Variants in ZNF646 observed in about 807,000 individuals in gnomAD.
The protein encoded by ZNF646 is zinc finger protein 646.
Under a neutral mutation model 115.4 loss-of-function variants are expected in ZNF646, and 49 were observed. That is an observed-to-expected ratio of 0.42 (90% CI 0.34 to 0.54). The LOEUF (loss-of-function observed/expected upper bound fraction) is 0.54, where lower values mean the gene tolerates loss of function less well. ZNF646 is among the 20% of genes least tolerant of loss of function. ZNF646 has a pLI of 0.04. For synonymous variants in ZNF646, 933 were observed against 939.0 expected, an observed-to-expected ratio of 0.99 and a Z score of 0.12; for missense variants, 2,269 against 2,457.9, an observed-to-expected ratio of 0.92 and a Z score of 1.62.
In ZNF646 at chr16:31,080,625, C is replaced by T. The variant is rs375075744; in HGVS notation, c.4301C>T (p.Pro1434Leu). Residue 1434 changes from proline to leucine, a missense_variant, in exon 2 of 3, where the codon CCA (proline) becomes CTA (leucine). Physicochemically the swap from Pro to Leu is moderately conservative, Grantham distance 98. Coordinates refer to ENST00000300850, the MANE Select transcript of ZNF646 (RefSeq NM_014699.4). Reference sequence around the variant, plus strand: ...GTACCCCACTTGGAGGATGGAGTCCCAAGGCCAGGGGAGCGCAGTCAGAGC... The same window carrying T: ...GTACCCCACTTGGAGGATGGAGTCCTAAGGCCAGGGGAGCGCAGTCAGAGC... ...EPVPHLEDGVPRPGERSQSPI... is the reference protein window; with the variant it reads ...EPVPHLEDGVLRPGERSQSPI... 37 of 1,614,008 alleles carry T rather than the reference C, an allele frequency of 2.3e-5. No individual in the cohort carries two copies. Among genetic ancestry groups the T allele is most frequent in the Non-Finnish European group, 3.1e-5 (37 of 1,180,026 alleles).
At position 31,080,258 on chromosome 16, in the gene ZNF646, G is replaced by A. The variant is rs761941293; in HGVS notation, c.3934G>A (p.Gly1312Ser). 2.5e-5 allele frequency: 40 copies of A among 1,612,248 alleles called. No homozygotes were observed. Among genetic ancestry groups the A allele is most frequent in the Non-Finnish European group, 3.1e-5 (37 of 1,179,656 alleles). Residue 1312 changes from glycine to serine, a missense_variant, in exon 2 of 3, where the codon GGC (glycine) becomes AGC (serine). By Grantham distance (56) the Gly-to-Ser change is moderately conservative. Transcript: ENST00000300850. Reference protein sequence around the residue: ...GQCGRTYRHAGSLLNHRRSHE... With the variant: ...GQCGRTYRHASSLLNHRRSHE... ...GTGCGGGCGGACCTATCGCCACGCC[G>A]GCAGCCTCCTGAACCACCGGCGCAG...
rs1264819898 is a variant in ZNF646 at position 31,078,878 on chromosome 16, C to G, written c.2554C>G (p.Leu852Val). ...CHPPGIYQCSLCPKEFDSLPA... is the reference protein window; with the variant it reads ...CHPPGIYQCSVCPKEFDSLPA... ...CCCACCAGGCATCTATCAGTGCTCCCTCTGCCCGAAGGAGTTTGACTCTCT... is the reference window on the plus strand; with the variant it reads ...CCCACCAGGCATCTATCAGTGCTCCGTCTGCCCGAAGGAGTTTGACTCTCT... Residue 852 changes from leucine to valine, a missense_variant, in exon 2 of 3, where the codon CTC (leucine) becomes GTC (valine). Coordinates refer to ENST00000300850, the MANE Select transcript of ZNF646 (RefSeq NM_014699.4). 5 of 1,614,014 alleles carry G rather than the reference C, an allele frequency of 3.1e-6. No homozygotes were observed. Among genetic ancestry groups the G allele is most frequent in the Non-Finnish European group, 3.4e-6 (4 of 1,180,044 alleles).
At position 31,078,056 on chromosome 16, in the gene ZNF646, A is replaced by G; in HGVS notation, c.1732A>G (p.Ser578Gly). The G allele has an allele frequency of 1.9e-6, 3 of 1,614,234 alleles. No homozygotes were observed. The highest frequency in any genetic ancestry group is 2.5e-6 in the Non-Finnish European group (3 of 1,180,054). The change falls in exon 2 of 3, where the codon AGC becomes GGC. Residue 578 changes from serine to glycine, a missense_variant. Transcript: ENST00000300850. ...AGACAAGACAGCAGCACATATCTGT[A>G]GCATCTGTGGGCTGCTCTTTGAAGA... The part of the protein sequence containing the change: ...AADKTAAHIC[S>G]ICGLLFEDAE...
Position 31,083,104 on chromosome 16 carries a change from C to T in ZNF646, c.*12C>T, listed in dbSNP as rs1356210410. On this transcript the variant is annotated 3_prime_UTR_variant, in exon 3 of 3. Coordinates refer to ENST00000300850, the MANE Select transcript of ZNF646 (RefSeq NM_014699.4). ...GCTTCTCCCTCTGAACTTCAAGTCT[C>T]CAAAGATCAGAATCTGGGGGAGGGA... The T allele has an allele frequency of 3.1e-6, 5 of 1,602,578 alleles. No homozygotes were observed. The highest frequency in any genetic ancestry group is 4.3e-6 in the Non-Finnish European group (5 of 1,175,554).
Position 31,083,800 on chromosome 16 carries a change from G to T in ZNF646, c.*708G>T, listed in dbSNP as rs746243018. The T allele has an allele frequency of 6.2e-7, 1 of 1,614,102 alleles. No homozygotes were observed. Among genetic ancestry groups the T allele is most frequent in the East Asian group, 2.2e-5 (1 of 44,886 alleles). On this transcript the variant is annotated 3_prime_UTR_variant, in exon 3 of 3. Coordinates refer to ENST00000300850, the MANE Select transcript of ZNF646 (RefSeq NM_014699.4). Reference sequence around the variant, plus strand: ...TGGCCAGGTCCCCTGTCAGCAGCTGGTTGGTTGGCCTGTGGGGAAGGAAGG... The same window carrying T: ...TGGCCAGGTCCCCTGTCAGCAGCTGTTTGGTTGGCCTGTGGGGAAGGAAGG...
At position 31,076,766 on chromosome 16, in the gene ZNF646, C is replaced by G. The variant is rs780053896; in HGVS notation, c.442C>G (p.Pro148Ala). Residue 148 changes from proline (P) to alanine (A), a missense_variant, in exon 2 of 3, where the codon CCT (proline) becomes GCT (alanine). By Grantham distance (27) the Pro-to-Ala change is conservative. Coordinates refer to ENST00000300850, the MANE Select transcript of ZNF646 (RefSeq NM_014699.4). ...CCAGACAAAACATACAGAAGAGACA[C>G]CTGACTGTGAATCTGTACCTGACCC... ...ENQTKHTEETPDCESVPDPRA... is the reference protein window; with the variant it reads ...ENQTKHTEETADCESVPDPRA... The G allele has an allele frequency of 6.2e-7, 1 of 1,613,760 alleles. No homozygotes were observed. Among genetic ancestry groups the G allele is most frequent in the African/African-American group, 1.3e-5 (1 of 74,922 alleles).
In ZNF646 at chr16:31,076,973, T is replaced by A; in HGVS notation, c.649T>A (p.Ser217Thr). 1 of 1,614,036 alleles carries A rather than the reference T, an allele frequency of 6.2e-7. No individual in the cohort carries two copies. The highest frequency in any genetic ancestry group is 8.5e-7 in the Non-Finnish European group (1 of 1,179,946). Residue 217 changes from serine (S) to threonine (T), a missense_variant, in exon 2 of 3, where the codon TCA becomes ACA. By Grantham distance (58) the Ser-to-Thr change is moderately conservative. Coordinates refer to ENST00000300850, the MANE Select transcript of ZNF646 (RefSeq NM_014699.4). ...LSNLEQYLAE[S>T]VVNFTGGQEP... ...CAACTTGGAACAGTATCTGGCTGAA[T>A]CAGTAGTGAACTTCACAGGGGGCCA...
rs2057128132 is a variant in ZNF646 at position 31,079,651 on chromosome 16, C to A, written c.3327C>A (p.Pro1109=). Residue 1109 remains proline (P), a synonymous_variant, in exon 2 of 3, where the codon CCC becomes CCA. Transcript: ENST00000300850. This position sits in a 1 kb window ranked among gnomAD's most constrained non-coding sequence, Gnocchi z 5.5. ...ACCCTCGCTGCAAAGGCTCTGAGCCCCAGGTTGGGCCCATCCCAGAGGCAG... is the reference window on the plus strand; with the variant it reads ...ACCCTCGCTGCAAAGGCTCTGAGCCACAGGTTGGGCCCATCCCAGAGGCAG... ...RNHPRCKGSE[P]QVGPIPEAAG... is the part of the protein sequence containing the mutation. 3 of 1,613,310 alleles carry A rather than the reference C, an allele frequency of 1.9e-6. No individual in the cohort carries two copies. Among genetic ancestry groups the A allele is most frequent in the Non-Finnish European group, 2.5e-6 (3 of 1,180,002 alleles).
Position 31,078,632 on chromosome 16 carries a change from G to C in ZNF646, c.2308G>C (p.Asp770His), listed in dbSNP as rs1444077383. 6.2e-7 allele frequency: 1 copy of C among 1,614,168 alleles called. No homozygotes were observed. The highest frequency in any genetic ancestry group is 2.2e-5 in the East Asian group (1 of 44,882). The change falls in exon 2 of 3, where the codon GAC (aspartate) becomes CAC (histidine). Residue 770 changes from aspartate (D) to histidine (H), a missense_variant. Physicochemically the swap from Asp to His is moderately conservative, Grantham distance 81. Around this residue, in one of 5 missense-constraint regions of ZNF646, gnomAD observed 852 missense variants for 900.2 expected, o/e 0.95. Transcript: ENST00000300850. ...GLERKDASLL[D>H]NLDIPGEEGG... is the part of the protein sequence containing the mutation. ...GGAAAGGAAGGATGCCAGTTTACTT[G>C]ACAACTTGGACATCCCAGGTGAGGA...
Position 31,079,247 on chromosome 16 carries a change from C to T in ZNF646, c.2923C>T (p.Arg975Cys). 2 of 1,613,874 alleles carry T rather than the reference C, an allele frequency of 1.2e-6. No individual in the cohort carries two copies. Among genetic ancestry groups the T allele is most frequent in the Non-Finnish European group, 1.7e-6 (2 of 1,180,000 alleles). Residue 975 changes from arginine to cysteine, a missense_variant, in exon 2 of 3, where the codon CGT becomes TGT. Coordinates refer to ENST00000300850, the MANE Select transcript of ZNF646 (RefSeq NM_014699.4). The surrounding 1 kb of genome is among the most constrained non-coding windows in gnomAD (Gnocchi z 5.5). ...QTYDDLGSLE[R>C]HHQSQSSGTT... ...CTACGATGACCTGGGGAGCCTGGAG[C>T]GTCACCACCAAAGTCAGAGTTCTGG...
At position 31,077,963 on chromosome 16, in the gene ZNF646, G is replaced by T. The variant is rs1555499389; in HGVS notation, c.1639G>T (p.Ala547Ser). ...LPPDPVEAEA[A>S]PHTDQDHVCK... ...GCCTGACCCAGTGGAGGCAGAGGCAGCCCCGCACACAGATCAGGACCATGT... is the reference window on the plus strand; with the variant it reads ...GCCTGACCCAGTGGAGGCAGAGGCATCCCCGCACACAGATCAGGACCATGT... Residue 547 changes from alanine to serine, a missense_variant, in exon 2 of 3, where the codon GCC becomes TCC. By Grantham distance (99) the Ala-to-Ser change is moderately conservative. Coordinates refer to ENST00000300850, the MANE Select transcript of ZNF646 (RefSeq NM_014699.4). 9 of 1,613,946 alleles carry T rather than the reference G, an allele frequency of 5.6e-6. No homozygotes were observed. Among genetic ancestry groups the T allele is most frequent in the Non-Finnish European group, 6.8e-6 (8 of 1,180,046 alleles).
upstream of ZNF646, chr16:31,074,380 T>A (rs953279067): frequency 6.6e-6 from 1 of 152,282 alleles, no homozygotes; most frequent in Non-Finnish European, 1.5e-5. Flanking sequence ...AGCGGAAGTT[T>A]CGCGGGGAAG....
chr16:31,081,711 A>G lies in ZNF646; in HGVS notation c.5377+10A>G, dbSNP rs770522160. 1.9e-6 allele frequency: 3 copies of G among 1,569,252 alleles called. 1 individual carries two copies. The South Asian group carries it at 3.6e-5, about 19-fold the overall frequency. ...ACGGTGGCCGGCTCCGGTAGGGGGC[A>G]TGAAGGGTCCCAGGAGGAGGTGGGC... On this transcript the variant is annotated intron_variant, in intron 2 of 2. Transcript: ENST00000300850.
rs762418112 is a variant in ZNF646 at position 31,080,692 on chromosome 16, C to T, written c.4368C>T (p.Ser1456=). Residue 1456 remains serine, a synonymous_variant, in exon 2 of 3, where the codon TCC becomes TCT. Transcript: ENST00000300850. ...GCTCAGAAGCCCCAGAGCCACTGTC[C>T]TGGGGTGCAGGGAAGGCAGGTGGGT... ...AASSEAPEPL[S]WGAGKAGGWP... The T allele has an allele frequency of 1.2e-6, 2 of 1,613,928 alleles. No homozygotes were observed. The highest frequency in any genetic ancestry group is 1.7e-6 in the Non-Finnish European group (2 of 1,179,988).
At position 31,078,898 on chromosome 16, in the gene ZNF646, C is replaced by G; in HGVS notation, c.2574C>G (p.Asp858Glu). 3 of 1,613,864 alleles carry G rather than the reference C, an allele frequency of 1.9e-6. No individual in the cohort carries two copies. The highest frequency in any genetic ancestry group is 2.5e-6 in the Non-Finnish European group (3 of 1,180,030). Residue 858 changes from aspartate (D) to glutamate (E), a missense_variant, in exon 2 of 3, where the codon GAC becomes GAG. Coordinates refer to ENST00000300850, the MANE Select transcript of ZNF646 (RefSeq NM_014699.4). ...GCTCCCTCTGCCCGAAGGAGTTTGA[C>G]TCTCTGCCTGCCCTCCGCAGCCACT... ...YQCSLCPKEF[D>E]SLPALRSHFQ...
At chr16:31,082,890 A>G (rs996482483) in intron 2 of ZNF646, 81 bp from the exon 3 acceptor site, 1 of 1,497,160 alleles carries the variant, frequency 6.7e-7, no homozygotes, top group South Asian at 1.3e-5. Flanking sequence ...GGGCAGGGGA[A>G]TGGCCTGCAG....
Position 31,082,976 on chromosome 16 carries a change from C to T in ZNF646, c.5383C>T (p.Pro1795Ser). The T allele has an allele frequency of 6.3e-7, 1 of 1,592,846 alleles. No homozygotes were observed. The highest frequency in any genetic ancestry group is 1.1e-5 in the South Asian group (1 of 88,508). The change falls in exon 3 of 3, where the codon CCA becomes TCA. Residue 1795 changes from proline to serine, a missense_variant. By Grantham distance (74) the Pro-to-Ser change is moderately conservative. This residue lies in a region of ZNF646 where 1,062 missense variants were observed against 1,172.8 expected (regional missense o/e 0.91). Transcript: ENST00000300850. ...TCCTCTCTCTCTCCCCCCAGGAGCC[C>T]CAGTGGCACCAGTGACGGGCAGAGG... ...EEWTVAGSGA[P>S]VAPVTGRGDL...
rs751594504 is a variant in ZNF646, at chr16:31,077,464, C to T, written c.1140C>T (p.Gly380=). 1 of 1,613,196 alleles carries T rather than the reference C, an allele frequency of 6.2e-7. No individual in the cohort carries two copies. The highest frequency in any genetic ancestry group is 1.1e-5 in the South Asian group (1 of 91,058). ...EYRPFRCGDC[G]RTYRHAGSLI... is the part of the protein sequence containing the mutation. ...GGCCTTTCCGCTGTGGGGACTGTGG[C>T]CGTACTTACCGCCATGCTGGGAGCC... is the stretch of plus-strand genomic sequence containing the variant. The change falls in exon 2 of 3, where the codon GGC becomes GGT. Residue 380 remains glycine, a synonymous_variant. Transcript: ENST00000300850.
At position 31,077,475 on chromosome 16, in the gene ZNF646, G is replaced by T. The variant is rs374584156; in HGVS notation, c.1151G>T (p.Arg384Leu). 6.2e-7 allele frequency: 1 copy of T among 1,613,154 alleles called. No homozygotes were observed. The highest frequency in any genetic ancestry group is 2.2e-5 in the East Asian group (1 of 44,894). Reference sequence around the variant, plus strand: ...TGTGGGGACTGTGGCCGTACTTACCGCCATGCTGGGAGCCTCATCAACCAT... The same window carrying T: ...TGTGGGGACTGTGGCCGTACTTACCTCCATGCTGGGAGCCTCATCAACCAT... The part of the protein sequence containing the change: ...FRCGDCGRTY[R>L]HAGSLINHRK... The change falls in exon 2 of 3, where the codon CGC (arginine) becomes CTC (leucine). Residue 384 changes from arginine to leucine, a missense_variant. Arg to Leu is a moderately radical substitution (Grantham distance 102). This residue lies in a region of ZNF646 where 852 missense variants were observed against 900.2 expected (regional missense o/e 0.95). Coordinates refer to ENST00000300850, the MANE Select transcript of ZNF646 (RefSeq NM_014699.4).
Sources: gnomAD v4.1 joint callset for allele counts on GRCh38, gnomAD v4.1.1 for gene constraint, gnomAD v4.1.1 regional missense constraint, Gnocchi (gnomAD v3.1) non-coding constraint, MANE v1.5 for transcripts, NCBI Gene and HGNC (gene_info 2026-07-23, HGNC 2026-07-21) for gene names.